RPH3A: variants seen among roughly 807,000 people sequenced by gnomAD.
RPH3A encodes rabphilin-3A.
RPH3A carries 48 observed loss-of-function variants against 102.2 expected under a neutral mutation model. The observed-to-expected ratio is 0.47, with a 90% CI of 0.37 to 0.60. RPH3A has a LOEUF of 0.60. RPH3A is among the 20% of genes least tolerant of loss of function. RPH3A has a pLI of 0.00. For missense variants in RPH3A, 781 were observed against 910.1 expected, an observed-to-expected ratio of 0.86 and a Z score of 1.83; for synonymous variants, 310 against 324.3, an observed-to-expected ratio of 0.96 and a Z score of 0.47.
chr12:112,856,992 C>T (rs1262156372), intron 5 of RPH3A, among the ~76,000 whole-genome samples: 1 of 152,040 alleles, frequency 6.6e-6, no homozygotes. Flanking sequence ...GGCACCCCAA[C>T]CCCTGCGTCA....
At chr12:112,877,586 G>A (rs35986022) in intron 13 of RPH3A, among the ~76,000 whole-genome samples, 8,989 of 152,032 alleles carry the variant, frequency 0.059, 393 homozygotes, top group Non-Finnish European at 0.096. Context: ...AGTTGTTTCT[G>A]ATCAAGTTGG....
At chr12:112,844,128 A>G (rs986299192) in intron 4 of RPH3A, among the ~76,000 whole-genome samples, 3 of 152,204 alleles carry the variant, frequency 2.0e-5, no homozygotes, top group African/African-American at 7.2e-5. Flanking sequence ...CTTGGTGTTC[A>G]TGCCTTTGTG....
At chr12:112,810,003 G>A (rs933548851) in intron 2 of RPH3A, among the ~76,000 whole-genome samples, 1 of 152,048 alleles carries the variant, frequency 6.6e-6, no homozygotes, top group Admixed American at 6.6e-5. Flanking sequence ...CTATGGCTTC[G>A]GTATCCCCAG....
chr12:112,612,666 G>T (rs534676842), intron 1 of RPH3A, among the ~76,000 whole-genome samples: 52 of 148,662 alleles, frequency 3.5e-4, no homozygotes, highest in Non-Finnish European at 6.5e-4. Flanking sequence ...CTGGGCTCAA[G>T]TGATCCCCCT....
In RPH3A at chr12:112,896,810, C is replaced by T; in HGVS notation, c.*30C>T. On this transcript the variant is annotated 3_prime_UTR_variant, in exon 22 of 22. Coordinates refer to ENST00000389385, the MANE Select transcript of RPH3A (RefSeq NM_001143854.2). ...GTGCCCAGGTCCCCATCTCCATGTC[C>T]CGGGTCCCCCCCAGCCTGCTCTAGC... is the stretch of plus-strand genomic sequence containing the variant. 1 of 1,612,392 alleles carries T rather than the reference C, an allele frequency of 6.2e-7. No individual in the cohort carries two copies.
intron 1 of RPH3A, among the ~76,000 whole-genome samples, chr12:112,629,288 A>G (rs1176645706): frequency 6.6e-6 from 1 of 152,020 alleles, no homozygotes; most frequent in Non-Finnish European, 1.5e-5. Flanking sequence ...TTCCTCCAAG[A>G]AATTAACCTG....
At chr12:112,775,197 T>C (rs2040957487) in intron 1 of RPH3A, among the ~76,000 whole-genome samples, 1 of 152,064 alleles carries the variant, frequency 6.6e-6, no homozygotes, top group South Asian at 2.1e-4. Flanking sequence ...ATCCTGCACA[T>C]GTACCCCAGA....
At chr12:112,715,922 G>A (rs1381325240) in intron 1 of RPH3A, among the ~76,000 whole-genome samples, 5 of 152,142 alleles carry the variant, frequency 3.3e-5, no homozygotes, top group Admixed American at 1.3e-4. Context: ...TTATTCATGC[G>A]TTTTCCAGGA....
At chr12:112,641,687 C>T (rs1009176292) in intron 1 of RPH3A, among the ~76,000 whole-genome samples, 1 of 152,172 alleles carries the variant, frequency 6.6e-6, no homozygotes, top group African/African-American at 2.4e-5. Context: ...CATGAGCCAC[C>T]GTGCCCAGCT....
chr12:112,792,172 A>G lies in RPH3A; in HGVS notation c.-110A>G, dbSNP rs1204695589. The G allele has an allele frequency of 6.6e-6, 1 of 152,136 alleles. No individual in the cohort carries two copies. Among genetic ancestry groups the G allele is most frequent in the African/African-American group, 2.4e-5 (1 of 41,420 alleles). 9.4% of individuals were successfully genotyped at this position (152,136 alleles called of 1,614,324 possible). ...CTCCGCTGAGCTTTTAAACCAAGTCATTGGGACTTAGCGTCTTTCTACCCG... is the reference window on the plus strand; with the variant it reads ...CTCCGCTGAGCTTTTAAACCAAGTCGTTGGGACTTAGCGTCTTTCTACCCG... On this transcript the variant is annotated 5_prime_UTR_variant, in exon 2 of 22. Coordinates refer to ENST00000389385, the MANE Select transcript of RPH3A (RefSeq NM_001143854.2).
chr12:112,745,683 G>A (rs891551877), intron 1 of RPH3A, among the ~76,000 whole-genome samples: 1 of 152,162 alleles, frequency 6.6e-6, no homozygotes, highest in Non-Finnish European at 1.5e-5. Context: ...TCAACTGCTT[G>A]GAAATCTTCA....
intron 2 of RPH3A, among the ~76,000 whole-genome samples, chr12:112,807,477 C>T (rs115701218): frequency 0.014 from 2,178 of 152,222 alleles, 61 homozygotes; most frequent in African/African-American, 0.05. Context: ...AATAATTGCT[C>T]ATCTATCTGT....
At chr12:112,694,265 G>T (rs2136024346) in intron 1 of RPH3A, among the ~76,000 whole-genome samples, 2 of 152,294 alleles carry the variant, frequency 1.3e-5, no homozygotes, top group Admixed American at 1.3e-4. Context: ...TTGGTGGGAG[G>T]ATGCAGGGAG....
At chr12:112,889,877 G>A in intron 17 of RPH3A, 147 bp from the exon 18 acceptor site, 2 of 689,930 alleles carry the variant, frequency 2.9e-6, no homozygotes, top group South Asian at 3.6e-5. Context: ...TAGCTAAAAG[G>A]GAGAATGCAG....
chr12:112,855,734 A>T (rs1379164816), intron 5 of RPH3A, among the ~76,000 whole-genome samples: 2 of 152,174 alleles, frequency 1.3e-5, no homozygotes, highest in Non-Finnish European at 2.9e-5. Context: ...CAGAGCAGCC[A>T]TTTCCCCATT....
chr12:112,585,461 G>A (rs1439260036), intron 1 of RPH3A, among the ~76,000 whole-genome samples: 1 of 152,190 alleles, frequency 6.6e-6, no homozygotes, highest in Admixed American at 6.5e-5. Flanking sequence ...TACGCTGGGC[G>A]CGGTGGCTCG....
At chr12:112,648,207 C>G (rs1164619433) in intron 1 of RPH3A, among the ~76,000 whole-genome samples, 2 of 152,036 alleles carry the variant, frequency 1.3e-5, no homozygotes, top group African/African-American at 4.8e-5. Flanking sequence ...ATACTATATA[C>G]AATTCCATAT....
chr12:112,772,901 C>T (rs1200038752), intron 1 of RPH3A, among the ~76,000 whole-genome samples: 1 of 152,054 alleles, frequency 6.6e-6, no homozygotes, highest in African/African-American at 2.4e-5. Context: ...CTCTTCCCCT[C>T]AAGTATCCAA....
At chr12:112,634,462 G>A (rs553410778) in intron 1 of RPH3A, among the ~76,000 whole-genome samples, 5 of 150,384 alleles carry the variant, frequency 3.3e-5, no homozygotes, top group African/African-American at 1.2e-4. Flanking sequence ...AGGCTGAGGC[G>A]GGAGAATTGC....
Sources: gnomAD v4.1 joint callset for allele counts (sites outside exome capture counted in the v4.1 genomes callset) on GRCh38, gnomAD v4.1.1 for gene constraint, MANE v1.5 for transcripts, NCBI Gene and HGNC (gene_info 2026-07-23, HGNC 2026-07-21) for gene names.